Variants in PAIP2B observed in about 807,000 individuals in gnomAD.
The protein encoded by PAIP2B is polyadenylate-binding protein-interacting protein 2B.
Under a neutral mutation model 17.0 loss-of-function variants are expected in PAIP2B, and 13 were observed. That is an observed-to-expected ratio of 0.76 (90% CI 0.50 to 1.22). The LOEUF is 1.22. Among genes scored for constraint, PAIP2B ranks in the 50% most tolerant of loss-of-function variants. The pLI is 0.00. For missense variants in PAIP2B, 117 were observed against 144.5 expected (o/e 0.81, Z 0.98); for synonymous variants, 43 against 48.7 (o/e 0.88, Z 0.48).
In PAIP2B at chr2:71,187,260, C is replaced by T. The variant is rs1320137766; in HGVS notation, c.*1219G>A. 6.6e-6 allele frequency: 1 copy of T among 152,254 alleles called. No individual in the cohort carries two copies. Among genetic ancestry groups the T allele is most frequent in the African/African-American group, 2.4e-5 (1 of 41,456 alleles). The allele number at this position is 152,254 out of a possible 1,614,324, so 9.4% of individuals were successfully genotyped here. Reference sequence around the variant, plus strand: ...TAAAGGCAGGAAAGACAAAGAAACACACCCTAAGAGGTCAATCTACAAAAC... The same window carrying T: ...TAAAGGCAGGAAAGACAAAGAAACATACCCTAAGAGGTCAATCTACAAAAC... On this transcript the variant is annotated 3_prime_UTR_variant, in exon 4 of 4. Coordinates refer to ENST00000244221, the MANE Select transcript of PAIP2B (RefSeq NM_020459.1).
rs371200634 is a variant in PAIP2B, at chr2:71,189,985, G to A, written c.175C>T (p.Arg59Cys). 1.1e-5 allele frequency: 18 copies of A among 1,612,172 alleles called. No individual in the cohort carries two copies. In the African/African-American group the frequency reaches 1.3e-4, roughly 12 times the overall value. ...TCATCCAGCATCTCTTGGAAGCAGCGGTCCAAGAAGTCTTGCTCCTGCAGT... is the reference window on the plus strand; with the variant it reads ...TCATCCAGCATCTCTTGGAAGCAGCAGTCCAAGAAGTCTTGCTCCTGCAGT... ...EELQEQDFLD[R>C]CFQEMLDEED... Residue 59 changes from arginine (R) to cysteine (C), a missense_variant, in exon 3 of 4, where the codon CGC (arginine) becomes TGC (cysteine). Arg to Cys is a radical substitution (Grantham distance 180). Transcript: ENST00000244221.
rs1381923054 is a variant in PAIP2B at position 71,182,912 on chromosome 2, GA to G, written c.*5566del. On this transcript the variant is annotated 3_prime_UTR_variant, in exon 4 of 4. Transcript: ENST00000244221. ...AATAACTACCAAGTAATGATTAGGG[GA>G]AAAAAAGCAAAAACAGCTTTATAAA... The G allele has an allele frequency of 4.5e-4, 1 of 2,208 alleles. No individual in the cohort carries two copies. The highest frequency in any genetic ancestry group is 7.2e-4 in the Non-Finnish European group (1 of 1,382). The allele number at this position is 2,208 out of a possible 1,614,324, so 0.1% of individuals were successfully genotyped here.
At chr2:71,195,077 C>G (rs563769812) in intron 2 of PAIP2B, among the ~76,000 whole-genome samples, 2 of 152,148 alleles carry the variant, frequency 1.3e-5, no homozygotes, top group South Asian at 2.1e-4. Context: ...GGGGATGAAG[C>G]CTACTTAATC....
At position 71,190,020 on chromosome 2, in the gene PAIP2B, A is replaced by T; in HGVS notation, c.140T>A (p.Val47Glu). ...MENEEDFNRQ[V>E]EEELQEQDFL... ...GTCTTGCTCCTGCAGTTCCTCCTCC[A>T]CCTAGCAAGCAAAGGGGAGCAGCTC... is the stretch of plus-strand genomic sequence containing the variant. Residue 47 changes from valine (V) to glutamate (E), a missense_variant and splice_region_variant, in exon 3 of 4, where the codon GTG becomes GAG. Coordinates refer to ENST00000244221, the MANE Select transcript of PAIP2B (RefSeq NM_020459.1). The T allele has an allele frequency of 6.2e-7, 1 of 1,609,140 alleles. No individual in the cohort carries two copies. The highest frequency in any genetic ancestry group is 1.3e-5 in the African/African-American group (1 of 74,892).
At chr2:71,195,856 C>G (rs1674804888) in intron 2 of PAIP2B, among the ~76,000 whole-genome samples, 1 of 151,960 alleles carries the variant, frequency 6.6e-6, no homozygotes, top group African/African-American at 2.4e-5. Flanking sequence ...AGGCTGGTCT[C>G]AAACTCCTGA....
At chr2:71,190,068 T>A (rs1674647688) in intron 2 of PAIP2B, 47 bp from the exon 3 acceptor site, 1 of 1,536,126 alleles carries the variant, frequency 6.5e-7, no homozygotes, top group South Asian at 1.3e-5. Context: ...ACAGCAAGAC[T>A]TACCCCTTCC....
At chr2:71,189,791 C>T in intron 3 of PAIP2B, 54 bp downstream of exon 3, 1 of 1,455,098 alleles carries the variant, frequency 6.9e-7, no homozygotes, top group Admixed American at 2.3e-5. Flanking sequence ...TCTGTCATTC[C>T]AAATCCTATA....
At chr2:71,201,922 A>G (rs1674994568) in intron 2 of PAIP2B, among the ~76,000 whole-genome samples, 2 of 152,180 alleles carry the variant, frequency 1.3e-5, no homozygotes, top group African/African-American at 2.4e-5. Context: ...CTCAGCTACC[A>G]TGGTTTGGTA....
chr2:71,193,819 AG>A (rs1205292043), intron 2 of PAIP2B, among the ~76,000 whole-genome samples: 1 of 152,058 alleles, frequency 6.6e-6, no homozygotes, highest in Non-Finnish European at 1.5e-5. Flanking sequence ...CCTGGGCTAC[AG>A]AGCAAGACTC....
At chr2:71,225,124 A>G (rs1675686532) in intron 1 of PAIP2B, among the ~76,000 whole-genome samples, 1 of 152,162 alleles carries the variant, frequency 6.6e-6, no homozygotes, top group Non-Finnish European at 1.5e-5. Flanking sequence ...TCCTAGGTTC[A>G]AGCAATCCTC....
intron 2 of PAIP2B, among the ~76,000 whole-genome samples, chr2:71,199,815 T>C (rs1292033855): frequency 1.3e-5 from 2 of 152,156 alleles, no homozygotes; most frequent in Non-Finnish European, 2.9e-5. Context: ...CACTTGTGCC[T>C]AGGGGTTCAA....
At chr2:71,189,592 A>T (rs1432776107) in intron 3 of PAIP2B, among the ~76,000 whole-genome samples, 1 of 152,198 alleles carries the variant, frequency 6.6e-6, no homozygotes, top group Non-Finnish European at 1.5e-5. Flanking sequence ...TTAGAAAGTA[A>T]AGGTTGGTGG....
At chr2:71,208,483 G>A (rs1244153677) in intron 1 of PAIP2B, among the ~76,000 whole-genome samples, 2 of 151,718 alleles carry the variant, frequency 1.3e-5, no homozygotes, top group Admixed American at 1.3e-4. Context: ...AAACTGAGAA[G>A]AACCCAGAGA....
intron 2 of PAIP2B, 29 bp downstream of exon 2, chr2:71,202,423 A>G: frequency 6.2e-7 from 1 of 1,607,956 alleles, no homozygotes; most frequent in Admixed American, 1.7e-5. Flanking sequence ...TGTATCATCA[A>G]TCTTCCACTT....
At chr2:71,194,459 T>TG (rs1553446656) in intron 2 of PAIP2B, among the ~76,000 whole-genome samples, 1 of 143,374 alleles carries the variant, frequency 7.0e-6, no homozygotes, top group East Asian at 3.0e-4. Flanking sequence ...TATTCCTAGG[T>TG]TGTGTGTGTG....
rs953905184 is a variant in PAIP2B, at chr2:71,199,713, C to T, written c.138+2739G>A. On this transcript the variant is annotated intron_variant, in intron 2 of 3. Transcript: ENST00000244221. ...TCCCAAGTAGCTGGGACTAAAGGCG[C>T]CCACCACCTATCTTCTCTCTTAAAA... Among the ~76,000 whole-genome samples, 63 of 152,128 alleles carry T rather than the reference C, an allele frequency of 4.1e-4. 1 individual carries two copies. Among genetic ancestry groups the T allele is most frequent in the Non-Finnish European group, 4.1e-4 (28 of 67,998 alleles).
intron 2 of PAIP2B, among the ~76,000 whole-genome samples, chr2:71,197,018 A>G (rs1245229338): frequency 1.3e-5 from 2 of 151,944 alleles, no homozygotes; most frequent in African/African-American, 2.4e-5. Flanking sequence ...TTTACATTCA[A>G]TGTTGGTATT....
At chr2:71,193,492 G>A (rs567212839) in intron 2 of PAIP2B, among the ~76,000 whole-genome samples, 12 of 152,098 alleles carry the variant, frequency 7.9e-5, no homozygotes, top group Admixed American at 1.3e-4. Context: ...TGGTGTCTTC[G>A]CCATTAAATC....
At chr2:71,213,157 G>A (rs1340797167) in intron 1 of PAIP2B, among the ~76,000 whole-genome samples, 1 of 152,068 alleles carries the variant, frequency 6.6e-6, no homozygotes, top group Non-Finnish European at 1.5e-5. Context: ...TTTACGAGCT[G>A]TATAATAAGA....
Sources: allele counts gnomAD v4.1 joint callset (sites outside exome capture counted in the v4.1 genomes callset), GRCh38; gene constraint gnomAD v4.1.1; transcripts MANE v1.5; gene names NCBI Gene and HGNC (gene_info 2026-07-23, HGNC 2026-07-21).